Variants in PCNX1 observed in about 807,000 individuals in gnomAD.
PCNX1 encodes pecanex-like protein 1.
In PCNX1, 78 loss-of-function variants were observed where a neutral mutation model predicts 242.2. The observed-to-expected ratio is 0.32, with a 90% CI of 0.27 to 0.39. The LOEUF is 0.39. Among genes scored for constraint, PCNX1 ranks in the 10% least tolerant of loss-of-function variants. The pLI, the probability that PCNX1 is intolerant of heterozygous loss-of-function variation, is 1.00. For synonymous variants in PCNX1, 1,024 were observed against 1,032.9 expected, an observed-to-expected ratio of 0.99 and a Z score of 0.17; for missense variants, 2,581 against 2,856.5, an observed-to-expected ratio of 0.90 and a Z score of 2.20.
intron 1 of PCNX1, among the ~76,000 whole-genome samples, chr14:70,921,360 A>G (rs2056367083): frequency 6.6e-6 from 1 of 152,126 alleles, no homozygotes; most frequent in Admixed American, 6.6e-5. Flanking sequence ...TCAATTTCAT[A>G]TGTATTTGAT....
At chr14:71,040,460 T>G (rs2060671759) in intron 19 of PCNX1, among the ~76,000 whole-genome samples, 1 of 152,158 alleles carries the variant, frequency 6.6e-6, no homozygotes. Flanking sequence ...GTGCTTGGGG[T>G]TTATTGAATC....
At chr14:70,993,270 G>A (rs1356656328) in intron 7 of PCNX1, among the ~76,000 whole-genome samples, 7 of 151,140 alleles carry the variant, frequency 4.6e-5, no homozygotes, top group South Asian at 2.1e-4. Flanking sequence ...ACAGGCGCCC[G>A]CCACCATGCC....
intron 28 of PCNX1, among the ~76,000 whole-genome samples, chr14:71,086,114 A>G (rs1398552340): frequency 6.6e-6 from 1 of 152,040 alleles, no homozygotes; most frequent in Non-Finnish European, 1.5e-5. Context: ...CATTCAGTAT[A>G]TTTTTTATCT....
chr14:71,077,200 A>G (rs187786299), intron 28 of PCNX1, among the ~76,000 whole-genome samples: 1 of 152,256 alleles, frequency 6.6e-6, no homozygotes, highest in East Asian at 1.9e-4. Context: ...CAGCAACTAC[A>G]GCTTTCTTCT....
Position 71,088,402 on chromosome 14 carries a change from T to G in PCNX1, c.5410T>G (p.Leu1804Val). 2 of 1,609,790 alleles carry G rather than the reference T, an allele frequency of 1.2e-6. No individual in the cohort carries two copies. Among genetic ancestry groups the G allele is most frequent in the Non-Finnish European group, 8.5e-7 (1 of 1,176,188 alleles). Residue 1804 changes from leucine to valine, a missense_variant, in exon 29 of 36, where the codon TTG becomes GTG. This residue lies in a region of PCNX1 where 298 missense variants were observed against 480.1 expected (regional missense o/e 0.62). Coordinates refer to ENST00000304743, the MANE Select transcript of PCNX1 (RefSeq NM_014982.3). Reference protein sequence around the residue: ...YGLCVLGRRALGTASHHMSSN... With the variant: ...YGLCVLGRRAVGTASHHMSSN... The stretch of plus-strand genomic sequence containing the variant: ...ACTCTGTGTTCTGGGACGGAGAGCT[T>G]TGGGGACTGCATCCCATCATATGTC...
At chr14:71,077,798 T>C (rs1030868504) in intron 28 of PCNX1, among the ~76,000 whole-genome samples, 1 of 152,236 alleles carries the variant, frequency 6.6e-6, no homozygotes, top group African/African-American at 2.4e-5. Flanking sequence ...ATACTTCGCG[T>C]ACTGTTCTCA....
At chr14:71,011,728 A>T (rs773734291) in intron 10 of PCNX1, 179 bp downstream of exon 10, 1 of 572,700 alleles carries the variant, frequency 1.7e-6, no homozygotes, top group Non-Finnish European at 3.1e-6. Context: ...GTCCTTTGAT[A>T]AGAAACAAAA....
Position 71,004,790 on chromosome 14 carries a change from G to A in PCNX1, c.2630-4844G>A, listed in dbSNP as rs183236306. Among the ~76,000 whole-genome samples the A allele has an allele frequency of 8.4e-4, 128 of 152,270 alleles. 1 individual carries two copies. The highest frequency in any genetic ancestry group is 3.1e-3 in the African/African-American group (127 of 41,548). ...TCTTTAAAAGTATAATATATTCATT[G>A]AGATTGCATTATGAACACAGTGCTA... On this transcript the variant is annotated intron_variant, in intron 8 of 35. Transcript: ENST00000304743.
chr14:71,051,378 G>T (rs776424191), intron 23 of PCNX1, among the ~76,000 whole-genome samples: 3 of 151,848 alleles, frequency 2.0e-5, no homozygotes, highest in Non-Finnish European at 4.4e-5. Flanking sequence ...ATACATACAA[G>T]AAATGTTTAG....
In PCNX1 at chr14:70,978,450, A is replaced by G. The variant is rs564521229; in HGVS notation, c.2113A>G (p.Asn705Asp). 1.8e-5 allele frequency: 29 copies of G among 1,614,206 alleles called. No homozygotes were observed. The South Asian group carries it at 2.5e-4, about 14-fold the overall frequency. Reference sequence around the variant, plus strand: ...CACAGTAGCATGTTTGAATGACTCAAACAGGTTAATGGCACCTGAAAGTAT... The same window carrying G: ...CACAGTAGCATGTTTGAATGACTCAGACAGGTTAATGGCACCTGAAAGTAT... ...SGTVACLNDS[N>D]RLMAPESIKP... The change falls in exon 6 of 36, where the codon AAC (asparagine) becomes GAC (aspartate). Residue 705 changes from asparagine to aspartate, a missense_variant. Coordinates refer to ENST00000304743, the MANE Select transcript of PCNX1 (RefSeq NM_014982.3).
intron 1 of PCNX1, among the ~76,000 whole-genome samples, chr14:70,932,832 G>A (rs969922796): frequency 1.3e-5 from 2 of 151,824 alleles, no homozygotes; most frequent in Admixed American, 6.6e-5. Context: ...GGCTGGTCTC[G>A]AACTCCCGAC....
At chr14:71,033,311 C>G in intron 16 of PCNX1, 118 bp from the exon 17 acceptor site, 1 of 570,474 alleles carries the variant, frequency 1.8e-6, no homozygotes, top group Non-Finnish European at 3.1e-6. Flanking sequence ...AATAACGTGG[C>G]TAAAAACTTT....
chr14:71,001,229 C>G (rs1443247428), intron 8 of PCNX1, among the ~76,000 whole-genome samples: 1 of 152,134 alleles, frequency 6.6e-6, no homozygotes, highest in Non-Finnish European at 1.5e-5. Context: ...TGCTGAATGT[C>G]CATTACATAA....
chr14:70,926,795 T>C (rs2056610982), intron 1 of PCNX1, among the ~76,000 whole-genome samples: 2 of 152,194 alleles, frequency 1.3e-5, no homozygotes, highest in Non-Finnish European at 2.9e-5. Context: ...AGTACAGATG[T>C]ACATGCAGCA....
chr14:71,055,109 C>T (rs1009607998), intron 24 of PCNX1, among the ~76,000 whole-genome samples: 2 of 152,258 alleles, frequency 1.3e-5, no homozygotes, highest in South Asian at 2.1e-4. Context: ...ACTACTGTTC[C>T]AAAGAACATT....
chr14:71,047,870 T>G lies in PCNX1; in HGVS notation c.4224T>G (p.Pro1408=). 1 of 1,613,220 alleles carries G rather than the reference T, an allele frequency of 6.2e-7. No individual in the cohort carries two copies. The highest frequency in any genetic ancestry group is 8.5e-7 in the Non-Finnish European group (1 of 1,179,306). Residue 1408 remains proline (P), a synonymous_variant, in exon 22 of 36, where the codon CCT becomes CCG. Transcript: ENST00000304743. ...TGCTACGATCCTCTTTTAGCAGCCC[T>G]ACATATCAGTATGTTACAGTCATCT... The part of the protein sequence containing the change: ...LKLLRSSFSS[P]TYQYVTVIFT...
At chr14:70,948,145 T>C (rs967559438) in intron 2 of PCNX1, among the ~76,000 whole-genome samples, 1 of 152,190 alleles carries the variant, frequency 6.6e-6, no homozygotes, top group Non-Finnish European at 1.5e-5. Context: ...GCCCTGGCAT[T>C]GTGACCTTGC....
At chr14:71,063,611 C>T (rs1225529391) in intron 26 of PCNX1, among the ~76,000 whole-genome samples, 1 of 152,102 alleles carries the variant, frequency 6.6e-6, no homozygotes, top group African/African-American at 2.4e-5. Context: ...TCCCCTGTCT[C>T]ACCTACCCGT....
chr14:70,908,079 C>G (rs1440760485), intron 1 of PCNX1, 76 bp downstream of exon 1: 1 of 1,389,416 alleles, frequency 7.2e-7, no homozygotes, highest in African/African-American at 1.5e-5. Flanking sequence ...CGCCCTCTTC[C>G]TCTTCCACGG....
Sources: allele counts gnomAD v4.1 joint callset (sites outside exome capture counted in the v4.1 genomes callset), GRCh38; gene constraint gnomAD v4.1.1; regional missense constraint gnomAD v4.1.1; transcripts MANE v1.5; gene names NCBI Gene and HGNC (gene_info 2026-07-23, HGNC 2026-07-21).